KCNIP4: variants seen among roughly 807,000 people sequenced by gnomAD.
KCNIP4 encodes the protein potassium voltage-gated channel interacting protein 4.
A neutral mutation model predicts 34.0 loss-of-function variants in KCNIP4; 12 were observed. That is an observed-to-expected ratio of 0.35 (90% CI 0.23 to 0.57). The LOEUF is 0.57. Ranked by LOEUF, KCNIP4 falls within the 20% of genes least tolerant of loss-of-function variation. The pLI, the probability that KCNIP4 is intolerant of heterozygous loss-of-function variation, is 0.83. For synonymous variants in KCNIP4, 124 were observed against 102.2 expected (o/e 1.21, Z -1.29); for missense variants, 238 against 311.7 (o/e 0.76, Z 1.78).
intron 1 of KCNIP4, among the ~76,000 whole-genome samples, chr4:21,338,891 C>T (rs991111366): frequency 4.0e-5 from 6 of 151,880 alleles, no homozygotes; most frequent in South Asian, 2.1e-4. Flanking sequence ...GACAAGTAAA[C>T]GAAAAAGGAT....
At chr4:21,797,306 T>C (rs1720688700) in intron 1 of KCNIP4, among the ~76,000 whole-genome samples, 1 of 152,056 alleles carries the variant, frequency 6.6e-6, no homozygotes, top group South Asian at 2.1e-4. Context: ...GTGCCCAAGT[T>C]ATTTAATTAA....
chr4:20,990,485 G>T (rs1736993742), intron 1 of KCNIP4, among the ~76,000 whole-genome samples: 1 of 152,182 alleles, frequency 6.6e-6, no homozygotes, highest in African/African-American at 2.4e-5. Context: ...TTTTCAAATA[G>T]AAAGCTGAGG....
chr4:20,980,017 A>G (rs916167693), intron 1 of KCNIP4, among the ~76,000 whole-genome samples: 4 of 152,086 alleles, frequency 2.6e-5, no homozygotes, highest in African/African-American at 9.7e-5. Context: ...TGGATTTTCC[A>G]ATTTGGGAAA....
chr4:20,741,172 A>C (rs1036091374), intron 5 of KCNIP4, among the ~76,000 whole-genome samples: 3 of 152,184 alleles, frequency 2.0e-5, no homozygotes, highest in Admixed American at 6.5e-5. Context: ...TGAGACAGAA[A>C]GTTAACAAGG....
intron 1 of KCNIP4, among the ~76,000 whole-genome samples, chr4:20,901,833 T>C (rs1270386225): frequency 6.6e-6 from 1 of 152,112 alleles, no homozygotes; most frequent in Non-Finnish European, 1.5e-5. Flanking sequence ...TTTGCAGTCA[T>C]ATTTATTCTT....
chr4:21,269,637 C>T (rs985841601), intron 1 of KCNIP4, among the ~76,000 whole-genome samples: 13 of 152,116 alleles, frequency 8.5e-5, no homozygotes, highest in African/African-American at 3.1e-4. Flanking sequence ...TCAAGCAATC[C>T]TCCCACCTCA....
chr4:21,686,975 A>C, intron 1 of KCNIP4, among the ~76,000 whole-genome samples: 1 of 148,790 alleles, frequency 6.7e-6, no homozygotes, highest in African/African-American at 2.5e-5. Flanking sequence ...TACACCATGG[A>C]ATACTATGCA....
At chr4:20,802,216 TATGCTATAC>T in intron 3 of KCNIP4, among the ~76,000 whole-genome samples, 1 of 64,622 alleles carries the variant, frequency 1.5e-5, no homozygotes. Context: ...ATGCTACATA[TATGCTATAC>T]ATATGCTACA....
chr4:21,296,497 T>C (rs1222342144), intron 1 of KCNIP4, among the ~76,000 whole-genome samples: 1 of 151,464 alleles, frequency 6.6e-6, no homozygotes, highest in African/African-American at 2.4e-5. Context: ...GTTCTAAGCA[T>C]ATAGAAATAC....
intron 1 of KCNIP4, among the ~76,000 whole-genome samples, chr4:21,504,097 C>G (rs1733587969): frequency 6.6e-6 from 1 of 152,098 alleles, no homozygotes; most frequent in Non-Finnish European, 1.5e-5. Flanking sequence ...TTAAACATCT[C>G]CTGAGCAATT....
intron 1 of KCNIP4, among the ~76,000 whole-genome samples, chr4:21,004,903 G>A (rs781772156): frequency 4.6e-5 from 7 of 151,902 alleles, no homozygotes; most frequent in Non-Finnish European, 1.0e-4. Flanking sequence ...ACAAAGTGGT[G>A]CAAGCATGAC....
At chr4:21,054,226 A>G (rs1386157133) in intron 1 of KCNIP4, among the ~76,000 whole-genome samples, 1 of 152,100 alleles carries the variant, frequency 6.6e-6, no homozygotes, top group Non-Finnish European at 1.5e-5. Flanking sequence ...AATTAAGACA[A>G]TAAACAAAGA....
At chr4:20,850,492 A>G in intron 3 of KCNIP4, 51 bp downstream of exon 3, 1 of 1,587,956 alleles carries the variant, frequency 6.3e-7, no homozygotes, top group East Asian at 2.2e-5. Flanking sequence ...CTCATTTCTC[A>G]ATGCTCCTCT....
intron 1 of KCNIP4, among the ~76,000 whole-genome samples, chr4:21,923,715 T>C (rs755455619): frequency 1.3e-4 from 20 of 152,214 alleles, no homozygotes; most frequent in Non-Finnish European, 1.9e-4. Context: ...CGTGGGCTCA[T>C]CCTTCTCTGA....
chr4:21,477,011 T>C (rs573752739), intron 1 of KCNIP4, among the ~76,000 whole-genome samples: 25 of 152,150 alleles, frequency 1.6e-4, no homozygotes, highest in Non-Finnish European at 3.4e-4. Flanking sequence ...TTAAGGAGTG[T>C]CCTAAGAGAC....
intron 3 of KCNIP4, among the ~76,000 whole-genome samples, chr4:20,791,193 A>G (rs1337049735): frequency 6.6e-6 from 1 of 152,204 alleles, no homozygotes; most frequent in Non-Finnish European, 1.5e-5. Context: ...ATATCAAACT[A>G]AAATTCCTTA....
chr4:21,865,309 CAAACA>C (rs1725348616), intron 1 of KCNIP4, among the ~76,000 whole-genome samples: 1 of 116,048 alleles, frequency 8.6e-6, no homozygotes, highest in African/African-American at 3.3e-5. Context: ...CAAACACAAA[CAAACA>C]AAAAAAAAAA....
intron 1 of KCNIP4, chr4:21,852,237 T>C (rs1179905493): frequency 6.6e-6 from 1 of 152,154 alleles, no homozygotes; most frequent in African/African-American, 2.4e-5. Flanking sequence ...AGCTCATTGG[T>C]TTATTCAGCC....
chr4:21,201,697 A>G (rs1322938519), intron 1 of KCNIP4, among the ~76,000 whole-genome samples: 1 of 152,106 alleles, frequency 6.6e-6, no homozygotes, highest in Non-Finnish European at 1.5e-5. Context: ...ACAGGGTTTC[A>G]CCATGTTAGC....
Sources: gnomAD v4.1 joint callset for allele counts (sites outside exome capture counted in the v4.1 genomes callset) on GRCh38, gnomAD v4.1.1 for gene constraint, MANE v1.5 for transcripts, NCBI Gene and HGNC (gene_info 2026-07-23, HGNC 2026-07-21) for gene names.